ARHGAP10: variants seen among roughly 807,000 people sequenced by gnomAD.
ARHGAP10 encodes the protein rho GTPase-activating protein 10.
ARHGAP10 carries 87 observed loss-of-function variants against 108.6 expected under a neutral mutation model. That is an observed-to-expected ratio of 0.80 (90% CI 0.67 to 0.96). The LOEUF (loss-of-function observed/expected upper bound fraction) is 0.96, where lower values mean the gene tolerates loss of function less well. Ranked by LOEUF, ARHGAP10 falls within the 40% of genes least tolerant of loss-of-function variation. The pLI, the probability that ARHGAP10 is intolerant of heterozygous loss-of-function variation, is 0.00. For synonymous variants in ARHGAP10, 347 were observed against 341.1 expected, an observed-to-expected ratio of 1.02 and a Z score of -0.19; for missense variants, 939 against 954.5, an observed-to-expected ratio of 0.98 and a Z score of 0.21.
intron 7 of ARHGAP10, among the ~76,000 whole-genome samples, chr4:147,867,990 A>G (rs12331562): frequency 0.13 from 19,572 of 146,418 alleles, 1,645 homozygotes; most frequent in East Asian, 0.26. Context: ...CCTTATTTTT[A>G]TAATTTATGT....
rs373327910 is a variant in ARHGAP10 at position 147,845,501 on chromosome 4, C to A, written c.313-1650C>A. Among the ~76,000 whole-genome samples, 5 of 152,260 alleles carry A rather than the reference C, an allele frequency of 3.3e-5. No individual in the cohort carries two copies. The East Asian group carries it at 9.6e-4, about 29-fold the overall frequency. Reference sequence around the variant, plus strand: ...TAAGATGGCAACTTTGGAGAAGCACCTCTTTGGTACTTTTATTGCCATGTT... The same window carrying A: ...TAAGATGGCAACTTTGGAGAAGCACATCTTTGGTACTTTTATTGCCATGTT... On this transcript the variant is annotated intron_variant, in intron 3 of 22. Coordinates refer to ENST00000336498, the MANE Select transcript of ARHGAP10 (RefSeq NM_024605.4).
intron 1 of ARHGAP10, among the ~76,000 whole-genome samples, chr4:147,791,013 A>G (rs771840281): frequency 2.6e-5 from 4 of 152,092 alleles, no homozygotes; most frequent in South Asian, 2.1e-4. Flanking sequence ...TTATATGTGT[A>G]CATATTATAC....
intron 13 of ARHGAP10, among the ~76,000 whole-genome samples, chr4:147,933,965 C>T (rs1403152565): frequency 6.6e-6 from 1 of 152,142 alleles, no homozygotes; most frequent in Non-Finnish European, 1.5e-5. Context: ...CAGAGGTTGG[C>T]AAGCCCATCT....
chr4:147,784,867 A>T lies in ARHGAP10; in HGVS notation c.155-37860A>T, dbSNP rs1452781420. Among the ~76,000 whole-genome samples, 3 of 117,032 alleles carry T rather than the reference A, an allele frequency of 2.6e-5. No homozygotes were observed. In the Admixed American group the frequency reaches 3.4e-4, roughly 13 times the overall value. The allele number at this position is 117,032 out of a possible 152,430, so 76.8% of individuals were successfully genotyped here. A position where few individuals can be genotyped will look rare whatever the true frequency, so the allele number is the denominator to read the frequency against. On this transcript the variant is annotated intron_variant, in intron 1 of 22. Transcript: ENST00000336498. ...AAATATATATTATAAATATATTATA[A>T]AATATATATTATAAATATATTATAA...
intron 1 of ARHGAP10, among the ~76,000 whole-genome samples, chr4:147,739,074 C>T (rs1027048054): frequency 2.0e-5 from 3 of 151,482 alleles, no homozygotes; most frequent in African/African-American, 7.3e-5. Flanking sequence ...GTAATCCTAG[C>T]TTCTCGGGAG....
intron 13 of ARHGAP10, among the ~76,000 whole-genome samples, chr4:147,937,465 G>A (rs1277134444): frequency 1.3e-5 from 2 of 152,106 alleles, no homozygotes; most frequent in East Asian, 1.9e-4. Context: ...GAATTTGTGG[G>A]GATACAATTC....
chr4:148,023,123 T>G (rs746598561), intron 18 of ARHGAP10, 140 bp from the exon 19 acceptor site: 3 of 848,688 alleles, frequency 3.5e-6, no homozygotes, highest in Non-Finnish European at 5.2e-6. Flanking sequence ...ACCTCTTCCC[T>G]TCATTGGAAG....
intron 13 of ARHGAP10, among the ~76,000 whole-genome samples, chr4:147,931,383 A>G (rs773594359): frequency 5.9e-5 from 9 of 152,090 alleles, no homozygotes; most frequent in Non-Finnish European, 1.0e-4. Flanking sequence ...AAGTTAGACA[A>G]TATTGATATC....
intron 1 of ARHGAP10, among the ~76,000 whole-genome samples, chr4:147,772,160 G>T (rs1273319836): frequency 6.6e-6 from 1 of 152,162 alleles, no homozygotes; most frequent in African/African-American, 2.4e-5. Context: ...TGCTCTCTGC[G>T]CACTGGGACG....
At chr4:148,069,527 C>A (rs1254121583) in intron 22 of ARHGAP10, among the ~76,000 whole-genome samples, 1 of 152,202 alleles carries the variant, frequency 6.6e-6, no homozygotes, top group African/African-American at 2.4e-5. Context: ...TGTAGAAAAT[C>A]ACCTTTTTCC....
At chr4:147,786,298 A>G (rs1380142685) in intron 1 of ARHGAP10, among the ~76,000 whole-genome samples, 2 of 152,176 alleles carry the variant, frequency 1.3e-5, no homozygotes, top group Non-Finnish European at 2.9e-5. Context: ...GTGTCTCTAA[A>G]TGTGTTTGTT....
chr4:147,799,101 G>A (rs966039870), intron 1 of ARHGAP10, among the ~76,000 whole-genome samples: 1 of 151,436 alleles, frequency 6.6e-6, no homozygotes, highest in Admixed American at 6.6e-5. Flanking sequence ...TTGGTGTGAT[G>A]TCGGCTCACT....
chr4:147,742,476 C>CTTTTTTTTTTTTT (rs11420720), intron 1 of ARHGAP10, among the ~76,000 whole-genome samples: 1 of 86,494 alleles, frequency 1.2e-5, no homozygotes, highest in Non-Finnish European at 2.0e-5. Context: ...TCTGTGAACA[C>CTTTTTTTTTTTTT]TTTTTTTTTT....
intron 18 of ARHGAP10, among the ~76,000 whole-genome samples, chr4:148,005,455 G>A (rs1335747046): frequency 6.6e-6 from 1 of 151,994 alleles, no homozygotes; most frequent in Non-Finnish European, 1.5e-5. Flanking sequence ...ATATACAATA[G>A]TGAATTTTAC....
In ARHGAP10 at chr4:147,887,217, C is replaced by G. The variant is rs531314768; in HGVS notation, c.1034+5285C>G. Among the ~76,000 whole-genome samples the G allele has an allele frequency of 3.9e-4, 60 of 152,156 alleles. 1 individual carries two copies. Among genetic ancestry groups the G allele is most frequent in the African/African-American group, 1.3e-3 (53 of 41,500 alleles). Reference sequence around the variant, plus strand: ...AAGAGCTGTTTCCCGCTCTAGACACCCACCTCCACCCTCAGTGCCCAGACA... The same window carrying G: ...AAGAGCTGTTTCCCGCTCTAGACACGCACCTCCACCCTCAGTGCCCAGACA... On this transcript the variant is annotated intron_variant, in intron 10 of 22. Coordinates refer to ENST00000336498, the MANE Select transcript of ARHGAP10 (RefSeq NM_024605.4).
At chr4:147,936,863 A>G (rs1029594576) in intron 13 of ARHGAP10, among the ~76,000 whole-genome samples, 1 of 152,204 alleles carries the variant, frequency 6.6e-6, no homozygotes, top group African/African-American at 2.4e-5. Context: ...ACCGTGGCCT[A>G]TTAGGAACCA....
chr4:148,067,158 C>T (rs1051883645), intron 22 of ARHGAP10, among the ~76,000 whole-genome samples: 8 of 152,172 alleles, frequency 5.3e-5, no homozygotes, highest in Admixed American at 1.3e-4. Context: ...TTGTAGGTGC[C>T]GCCCTGATTC....
At chr4:147,889,599 CCT>C (rs1285010038) in intron 10 of ARHGAP10, among the ~76,000 whole-genome samples, 1 of 152,232 alleles carries the variant, frequency 6.6e-6, no homozygotes, top group Non-Finnish European at 1.5e-5. Context: ...CACACCTGGC[CCT>C]CATATTGGAT....
At chr4:147,996,228 C>T (rs139019261) in intron 18 of ARHGAP10, among the ~76,000 whole-genome samples, 25 of 152,320 alleles carry the variant, frequency 1.6e-4, no homozygotes, top group African/African-American at 5.8e-4. Context: ...CTATGGAAAC[C>T]TCTATCATAA....
Sources: allele counts gnomAD v4.1 joint callset (sites outside exome capture counted in the v4.1 genomes callset), GRCh38; gene constraint gnomAD v4.1.1; transcripts MANE v1.5; gene names NCBI Gene and HGNC (gene_info 2026-07-23, HGNC 2026-07-21).